NRXN3: variants seen among roughly 807,000 people sequenced by gnomAD.
The protein encoded by NRXN3 is neurexin III.
In NRXN3, 32 loss-of-function variants were observed where a neutral mutation model predicts 137.6. The ratio of observed to expected loss-of-function variants is 0.23; its 90% CI spans 0.18 to 0.31. The LOEUF (loss-of-function observed/expected upper bound fraction) is 0.31, where lower values mean the gene tolerates loss of function less well. NRXN3 is among the 10% of genes least tolerant of loss of function. NRXN3 has a pLI of 1.00. For synonymous variants in NRXN3, 798 were observed against 784.5 expected (o/e 1.02, Z -0.29); for missense variants, 1,574 against 2,062.5 (o/e 0.76, Z 4.59).
intron 15 of NRXN3, among the ~76,000 whole-genome samples, chr14:79,110,947 C>CA (rs1454434456): frequency 6.6e-6 from 1 of 152,010 alleles, no homozygotes; most frequent in Non-Finnish European, 1.5e-5. Context: ...CCCGCCACCA[C>CA]ACCTGGCTAA....
At chr14:79,552,513 A>T (rs919650060) in intron 16 of NRXN3, among the ~76,000 whole-genome samples, 3 of 152,182 alleles carry the variant, frequency 2.0e-5, no homozygotes, top group Non-Finnish European at 2.9e-5. Context: ...AGCAGGAGAG[A>T]AGGCGTACAA....
At chr14:79,536,117 C>T (rs898204269) in intron 16 of NRXN3, among the ~76,000 whole-genome samples, 1 of 152,010 alleles carries the variant, frequency 6.6e-6, no homozygotes, top group African/African-American at 2.4e-5. Context: ...AGGTGGTTGC[C>T]TGAAGAGTTG....
At chr14:78,770,769 A>C (rs993743733) in intron 8 of NRXN3, among the ~76,000 whole-genome samples, 1 of 152,196 alleles carries the variant, frequency 6.6e-6, no homozygotes, top group Non-Finnish European at 1.5e-5. Context: ...AGGAGGAACA[A>C]AGTAAGTAAG....
chr14:78,726,336 C>T (rs2098483257), intron 8 of NRXN3, among the ~76,000 whole-genome samples: 1 of 152,084 alleles, frequency 6.6e-6, no homozygotes, highest in Non-Finnish European at 1.5e-5. Context: ...GCTGTCCCTT[C>T]CCTAGACCCC....
chr14:79,675,022 G>A (rs1207481023), intron 17 of NRXN3, among the ~76,000 whole-genome samples: 1 of 151,970 alleles, frequency 6.6e-6, no homozygotes, highest in African/African-American at 2.4e-5. Context: ...AATCATCATA[G>A]CATCCTGGAA....
chr14:79,382,458 T>C (rs976216590), intron 15 of NRXN3, among the ~76,000 whole-genome samples: 1 of 152,138 alleles, frequency 6.6e-6, no homozygotes, highest in African/African-American at 2.4e-5. Flanking sequence ...GTCCAGAAAC[T>C]AGGTATTTGG....
rs545149012 is a variant in NRXN3, at chr14:78,559,407, A to G, written c.758-85713A>G. ...GCATTTCTCTGTATGCATCCACCAC[A>G]TCTTTGCATCTGTTCCTCTAGTGCT... On this transcript the variant is annotated intron_variant, in intron 4 of 20. Coordinates refer to ENST00000335750, the MANE Select transcript of NRXN3 (RefSeq NM_001330195.2). Among the ~76,000 whole-genome samples the G allele has an allele frequency of 7.2e-5, 11 of 152,302 alleles. 1 individual carries two copies. The East Asian group carries it at 7.7e-4, about 11-fold the overall frequency.
At chr14:79,699,747 T>C (rs2098748080) in intron 19 of NRXN3, among the ~76,000 whole-genome samples, 1 of 152,064 alleles carries the variant, frequency 6.6e-6, no homozygotes. Context: ...GAATGCCTTC[T>C]CCAATAGCCT....
At chr14:78,347,094 C>T (rs1041167568) in intron 4 of NRXN3, among the ~76,000 whole-genome samples, 8 of 152,178 alleles carry the variant, frequency 5.3e-5, no homozygotes, top group South Asian at 2.1e-4. Flanking sequence ...CCTGAAGTTA[C>T]GTTCACAGCA....
chr14:79,712,959 G>C (rs1376239242), intron 19 of NRXN3, among the ~76,000 whole-genome samples: 1 of 152,080 alleles, frequency 6.6e-6, no homozygotes, highest in African/African-American at 2.4e-5. Flanking sequence ...TAGCTAAAAA[G>C]TAAAATCATT....
intron 10 of NRXN3, among the ~76,000 whole-genome samples, chr14:78,941,836 C>T (rs1020625471): frequency 6.6e-6 from 1 of 152,208 alleles, no homozygotes. Flanking sequence ...TCTAGCACCC[C>T]TGTGCCATCT....
chr14:79,278,195 C>T (rs1319697681), intron 15 of NRXN3, among the ~76,000 whole-genome samples: 1 of 152,188 alleles, frequency 6.6e-6, no homozygotes, highest in Non-Finnish European at 1.5e-5. Context: ...ATTGTTCACT[C>T]ACCTCCCCTT....
chr14:79,681,406 C>G (rs2098669532), intron 17 of NRXN3, among the ~76,000 whole-genome samples: 1 of 152,076 alleles, frequency 6.6e-6, no homozygotes, highest in African/African-American at 2.4e-5. Context: ...GTTTTTTTCT[C>G]TTCTGGGTTG....
intron 10 of NRXN3, among the ~76,000 whole-genome samples, chr14:78,830,916 T>C (rs2098979795): frequency 6.6e-6 from 1 of 152,246 alleles, no homozygotes. Flanking sequence ...GAAGTTTTAC[T>C]GAGTATCATC....
rs955311543 is a variant in NRXN3, at chr14:78,618,605, A to G, written c.758-26515A>G. 3.8e-4 allele frequency among the ~76,000 whole-genome samples: 58 copies of G among 152,160 alleles called. 1 individual carries two copies. Among genetic ancestry groups the G allele is most frequent in the Admixed American group, 3.2e-3 (49 of 15,284 alleles). The stretch of plus-strand genomic sequence containing the variant: ...CACACGCTGAGCATCAGGGCTGGAA[A>G]ACAGCTGAGAGAGAATGTTCTCCCA... On this transcript the variant is annotated intron_variant, in intron 4 of 20. Transcript: ENST00000335750.
intron 19 of NRXN3, among the ~76,000 whole-genome samples, chr14:79,707,377 T>C (rs1161597135): frequency 6.6e-6 from 1 of 152,190 alleles, no homozygotes; most frequent in African/African-American, 2.4e-5. Flanking sequence ...CGGAGGAAAG[T>C]GCATTGAAGC....
At chr14:78,944,439 A>G (rs1467480472) in intron 10 of NRXN3, among the ~76,000 whole-genome samples, 1 of 152,218 alleles carries the variant, frequency 6.6e-6, no homozygotes, top group African/African-American at 2.4e-5. Context: ...TTTCCTAAAA[A>G]TTTGATGTCT....
At chr14:79,727,650 C>T (rs983768182) in intron 19 of NRXN3, among the ~76,000 whole-genome samples, 1 of 152,080 alleles carries the variant, frequency 6.6e-6, no homozygotes, top group Non-Finnish European at 1.5e-5. Flanking sequence ...AAAGAAATTG[C>T]ATTTCCCAAT....
chr14:79,574,718 T>C (rs1252299707), intron 16 of NRXN3, among the ~76,000 whole-genome samples: 1 of 152,088 alleles, frequency 6.6e-6, no homozygotes, highest in Non-Finnish European at 1.5e-5. Context: ...ATGTCTATTC[T>C]TTAGAAGCGA....
Sources: allele counts gnomAD v4.1 joint callset (sites outside exome capture counted in the v4.1 genomes callset), GRCh38; gene constraint gnomAD v4.1.1; transcripts MANE v1.5; gene names NCBI Gene and HGNC (gene_info 2026-07-23, HGNC 2026-07-21).